Variants in GRM8 observed in about 807,000 individuals in gnomAD.
GRM8 encodes metabotropic glutamate receptor 8.
A neutral mutation model predicts 87.2 loss-of-function variants in GRM8; 47 were observed. That is an observed-to-expected ratio of 0.54 (90% CI 0.43 to 0.69). The LOEUF is 0.69. Ranked by LOEUF, GRM8 falls within the 30% of genes least tolerant of loss-of-function variation. The pLI is 0.00. For synonymous variants in GRM8, 396 were observed against 404.5 expected (o/e 0.98, Z 0.25); for missense variants, 1,019 against 1,139.2 (o/e 0.89, Z 1.52).
chr7:126,613,355 TTTAATAACAACACAGGTAAGAAA>T (rs1799110138), intron 7 of GRM8, among the ~76,000 whole-genome samples: 1 of 151,824 alleles, frequency 6.6e-6, no homozygotes. Flanking sequence ...TTTATCAAGG[TTTAATAACAACACAGGTAAGAAA>T]TATAACTTTG....
intron 1 of GRM8, chr7:127,250,999 G>C (rs1393935563): frequency 3.9e-5 from 6 of 152,156 alleles, no homozygotes; most frequent in Admixed American, 3.9e-4. Flanking sequence ...TTCAATCGCG[G>C]TAGTAGCCCA....
intron 7 of GRM8, among the ~76,000 whole-genome samples, chr7:126,746,939 C>T (rs1051287863): frequency 6.6e-6 from 1 of 151,192 alleles, no homozygotes; most frequent in African/African-American, 2.4e-5. Context: ...CACAGTAAAC[C>T]ACTGTGTAGT....
At chr7:127,180,300 A>G (rs1380397213) in intron 2 of GRM8, among the ~76,000 whole-genome samples, 1 of 152,108 alleles carries the variant, frequency 6.6e-6, no homozygotes, top group East Asian at 1.9e-4. Flanking sequence ...TTAAATCAGT[A>G]AGAATTAGAT....
At chr7:126,584,856 T>C (rs947383838) in intron 8 of GRM8, among the ~76,000 whole-genome samples, 2 of 152,048 alleles carry the variant, frequency 1.3e-5, no homozygotes, top group Non-Finnish European at 2.9e-5. Flanking sequence ...AAAAAAATCA[T>C]AGTCATTTTG....
intron 6 of GRM8, among the ~76,000 whole-genome samples, chr7:126,879,120 G>A (rs1210214094): frequency 7.5e-5 from 11 of 145,982 alleles, no homozygotes; most frequent in Non-Finnish European, 1.2e-4. Flanking sequence ...CCAAGACGGC[G>A]CCATTGCACT....
intron 9 of GRM8, among the ~76,000 whole-genome samples, chr7:126,532,112 A>G (rs554875541): frequency 7.2e-5 from 11 of 152,326 alleles, no homozygotes; most frequent in African/African-American, 2.4e-4. Context: ...TTTTCTGTAC[A>G]TAGAACTACA....
At chr7:127,038,110 T>A (rs1202696455) in intron 3 of GRM8, among the ~76,000 whole-genome samples, 1 of 152,300 alleles carries the variant, frequency 6.6e-6, no homozygotes, top group South Asian at 2.1e-4. Flanking sequence ...TTTCTGTCAG[T>A]TGAGCCTCAA....
intron 3 of GRM8, among the ~76,000 whole-genome samples, chr7:126,944,942 C>T (rs1449238144): frequency 6.6e-6 from 1 of 152,174 alleles, no homozygotes; most frequent in South Asian, 2.1e-4. Flanking sequence ...CATTTCACAT[C>T]CACCAGGTTG....
chr7:126,786,205 G>A (rs1480275105), intron 6 of GRM8, among the ~76,000 whole-genome samples: 1 of 152,022 alleles, frequency 6.6e-6, no homozygotes. Flanking sequence ...GTTTTCTTGT[G>A]CCCCTTTTCA....
At chr7:126,940,286 C>T (rs1307804151) in intron 3 of GRM8, among the ~76,000 whole-genome samples, 3 of 152,174 alleles carry the variant, frequency 2.0e-5, no homozygotes, top group Non-Finnish European at 4.4e-5. Flanking sequence ...TTTGCCCTGG[C>T]TAATGCATTT....
intron 9 of GRM8, among the ~76,000 whole-genome samples, chr7:126,480,731 A>T (rs929129185): frequency 1.3e-5 from 2 of 152,072 alleles, no homozygotes; most frequent in Non-Finnish European, 2.9e-5. Context: ...TATATATATA[A>T]AAATAGATGC....
chr7:126,779,498 T>C (rs1358466858), intron 6 of GRM8, among the ~76,000 whole-genome samples: 2 of 152,102 alleles, frequency 1.3e-5, no homozygotes, highest in Non-Finnish European at 2.9e-5. Context: ...TTATAACTAA[T>C]TAAACCAGTT....
intron 7 of GRM8, among the ~76,000 whole-genome samples, chr7:126,748,929 A>G (rs919175588): frequency 4.6e-5 from 7 of 152,102 alleles, no homozygotes; most frequent in Admixed American, 3.9e-4. Flanking sequence ...ATTAATATTG[A>G]TATTTTTAAG....
intron 9 of GRM8, among the ~76,000 whole-genome samples, chr7:126,488,954 T>C (rs1807683765): frequency 6.6e-6 from 1 of 151,746 alleles, no homozygotes; most frequent in African/African-American, 2.4e-5. Context: ...CTACTTTGGG[T>C]AACTAATATA....
At chr7:126,529,677 C>T (rs1302510793) in intron 9 of GRM8, among the ~76,000 whole-genome samples, 1 of 152,108 alleles carries the variant, frequency 6.6e-6, no homozygotes, top group Non-Finnish European at 1.5e-5. Flanking sequence ...TTGACAGTGT[C>T]ATAACCCTTG....
chr7:126,449,907 T>A (rs1188082812), intron 9 of GRM8, among the ~76,000 whole-genome samples: 6 of 151,826 alleles, frequency 4.0e-5, no homozygotes, highest in Non-Finnish European at 1.5e-5. Flanking sequence ...ATCTTTTCTA[T>A]CACACGCACT....
At chr7:126,561,606 T>C (rs1793706137) in intron 8 of GRM8, among the ~76,000 whole-genome samples, 1 of 151,904 alleles carries the variant, frequency 6.6e-6, no homozygotes, top group Non-Finnish European at 1.5e-5. Flanking sequence ...TTTTATTTTA[T>C]TTATTTTTTT....
chr7:127,092,959 C>T (rs1458949084), intron 3 of GRM8, among the ~76,000 whole-genome samples: 1 of 152,218 alleles, frequency 6.6e-6, no homozygotes, highest in Non-Finnish European at 1.5e-5. Flanking sequence ...TCGGTCCAGG[C>T]CTAGCCTTCT....
intron 3 of GRM8, among the ~76,000 whole-genome samples, chr7:127,015,074 A>G (rs1815392290): frequency 3.2e-5 from 3 of 94,104 alleles, no homozygotes; most frequent in South Asian, 3.6e-4. Context: ...GAAGAAAGAA[A>G]GAAGGAGAAG....
Sources: allele counts gnomAD v4.1 joint callset (sites outside exome capture counted in the v4.1 genomes callset), GRCh38; gene constraint gnomAD v4.1.1; transcripts MANE v1.5; gene names NCBI Gene and HGNC (gene_info 2026-07-23, HGNC 2026-07-21).